XRCC4: variants seen among roughly 807,000 people sequenced by gnomAD.
The protein encoded by XRCC4 is DNA repair protein XRCC4.
XRCC4 carries 28 observed loss-of-function variants against 39.1 expected under a neutral mutation model. That is an observed-to-expected ratio of 0.72 (90% confidence interval 0.53 to 0.98). XRCC4 has a LOEUF of 0.98. Ranked by LOEUF, XRCC4 falls within the 50% of genes least tolerant of loss-of-function variation. XRCC4 has a pLI of 0.00. For synonymous variants in XRCC4, 123 were observed against 126.4 expected (o/e 0.97, Z 0.18); for missense variants, 350 against 376.4 (o/e 0.93, Z 0.58).
chr5:83,303,011 G>A (rs1190536076), intron 7 of XRCC4, among the ~76,000 whole-genome samples: 2 of 152,050 alleles, frequency 1.3e-5, no homozygotes, highest in African/African-American at 4.8e-5. Context: ...TCAGGAGTTC[G>A]AGATTAGCCT....
intron 3 of XRCC4, among the ~76,000 whole-genome samples, chr5:83,145,552 C>G (rs1748411779): frequency 1.3e-5 from 2 of 152,188 alleles, no homozygotes; most frequent in Non-Finnish European, 2.9e-5. Flanking sequence ...TACTTGGAGT[C>G]TGTCTCAAAT....
chr5:83,173,374 T>C (rs1234168442), intron 3 of XRCC4, among the ~76,000 whole-genome samples: 1 of 152,188 alleles, frequency 6.6e-6, no homozygotes, highest in Non-Finnish European at 1.5e-5. Context: ...TGAATACTCT[T>C]TTATAACATT....
chr5:83,264,130 C>A (rs1295483656), intron 7 of XRCC4, among the ~76,000 whole-genome samples: 1 of 152,150 alleles, frequency 6.6e-6, no homozygotes, highest in South Asian at 2.1e-4. Flanking sequence ...AAGCTCAATT[C>A]TTTATTTTGT....
intron 1 of XRCC4, among the ~76,000 whole-genome samples, chr5:83,087,782 A>T (rs1360944506): frequency 6.6e-6 from 1 of 151,898 alleles, no homozygotes; most frequent in Non-Finnish European, 1.5e-5. Flanking sequence ...TTAGTAATTT[A>T]CTCTTTTTTT....
chr5:83,166,010 C>T (rs1426249282), intron 3 of XRCC4, among the ~76,000 whole-genome samples: 3 of 151,728 alleles, frequency 2.0e-5, no homozygotes, highest in African/African-American at 7.3e-5. Context: ...CCCAGCCTCC[C>T]AAGCAGCTGG....
chr5:83,189,368 C>A (rs186675880), intron 3 of XRCC4, among the ~76,000 whole-genome samples: 72 of 152,144 alleles, frequency 4.7e-4, no homozygotes, highest in Non-Finnish European at 7.5e-4. Flanking sequence ...TCTTAGATGA[C>A]ACACTTGAAA....
intron 7 of XRCC4, among the ~76,000 whole-genome samples, chr5:83,305,287 GT>G (rs142767376): frequency 1.3e-5 from 2 of 150,920 alleles, no homozygotes; most frequent in Admixed American, 6.6e-5. Context: ...GTAACTTCAG[GT>G]TTTTTTTTGT....
At chr5:83,142,017 T>G (rs1395068378) in intron 3 of XRCC4, among the ~76,000 whole-genome samples, 2 of 152,234 alleles carry the variant, frequency 1.3e-5, no homozygotes, top group Non-Finnish European at 2.9e-5. Context: ...CTATCAGTTT[T>G]CAGTTACCTT....
intron 3 of XRCC4, among the ~76,000 whole-genome samples, chr5:83,147,722 A>G (rs1258619934): frequency 2.0e-5 from 3 of 152,318 alleles, no homozygotes; most frequent in East Asian, 1.9e-4. Context: ...ACAAAAAATC[A>G]TAAGTATGTG....
chr5:83,078,236 TTC>T (rs536131549), intron 1 of XRCC4, among the ~76,000 whole-genome samples: 244 of 152,328 alleles, frequency 1.6e-3, no homozygotes, highest in African/African-American at 5.7e-3. Context: ...TTAGGTGAGG[TTC>T]TACTACACAC....
chr5:83,268,665 C>T (rs1754036236), intron 7 of XRCC4, among the ~76,000 whole-genome samples: 1 of 152,088 alleles, frequency 6.6e-6, no homozygotes, highest in Non-Finnish European at 1.5e-5. Flanking sequence ...GATCTGAAGG[C>T]ATGGGGTTTC....
At chr5:83,185,082 T>TA (rs986848728) in intron 3 of XRCC4, among the ~76,000 whole-genome samples, 13 of 151,020 alleles carry the variant, frequency 8.6e-5, no homozygotes, top group African/African-American at 2.7e-4. Context: ...GACCAAGGGA[T>TA]AAAAAAAGAA....
chr5:83,133,329 G>A (rs988900420), intron 3 of XRCC4, among the ~76,000 whole-genome samples: 3 of 152,140 alleles, frequency 2.0e-5, no homozygotes, highest in Admixed American at 6.6e-5. Context: ...TAGGCTACTC[G>A]GGCGTCAGGG....
intron 3 of XRCC4, among the ~76,000 whole-genome samples, chr5:83,178,179 G>GT (rs1380500881): frequency 6.6e-6 from 1 of 152,198 alleles, no homozygotes; most frequent in African/African-American, 2.4e-5. Flanking sequence ...GGTAAAGCAG[G>GT]TTTTTTTGGG....
intron 1 of XRCC4, among the ~76,000 whole-genome samples, chr5:83,085,214 C>T (rs1293740788): frequency 6.6e-6 from 1 of 152,140 alleles, no homozygotes; most frequent in Non-Finnish European, 1.5e-5. Flanking sequence ...AACAGAAGCA[C>T]ATGGCTGCTA....
chr5:83,258,391 A>T (rs775038063), intron 6 of XRCC4, 139 bp from the exon 7 acceptor site: 3 of 1,050,598 alleles, frequency 2.9e-6, no homozygotes, highest in Non-Finnish European at 4.1e-6. Context: ...TTGATTCAAC[A>T]AATCTGCATA....
intron 3 of XRCC4, among the ~76,000 whole-genome samples, chr5:83,132,014 C>T (rs1053148693): frequency 1.7e-4 from 26 of 152,054 alleles, no homozygotes; most frequent in African/African-American, 4.6e-4. Context: ...TGCAGTGGCT[C>T]ATACTGGTTG....
At chr5:83,171,813 A>G (rs188672784) in intron 3 of XRCC4, among the ~76,000 whole-genome samples, 484 of 152,258 alleles carry the variant, frequency 3.2e-3, no homozygotes, top group Non-Finnish European at 5.5e-3. Context: ...CTCCTGCCAG[A>G]TTATAATTTT....
chr5:83,329,476 A>C (rs924318435), intron 7 of XRCC4, among the ~76,000 whole-genome samples: 1 of 151,566 alleles, frequency 6.6e-6, no homozygotes, highest in Non-Finnish European at 1.5e-5. Flanking sequence ...CAATCCCAAA[A>C]GGAAAAGCAC....
Sources: gnomAD v4.1 joint callset for allele counts (sites outside exome capture counted in the v4.1 genomes callset) on GRCh38, gnomAD v4.1.1 for gene constraint, MANE v1.5 for transcripts, NCBI Gene and HGNC (gene_info 2026-07-23, HGNC 2026-07-21) for gene names.